The following CCDC33 variants were observed in gnomAD, a reference collection of about 807,000 sequenced individuals.
CCDC33 encodes the protein coiled-coil domain containing 33.
A neutral mutation model predicts 91.9 loss-of-function variants in CCDC33; 94 were observed. The observed-to-expected ratio is 1.02, with a 90% CI of 0.87 to 1.21. The LOEUF (loss-of-function observed/expected upper bound fraction) is 1.21, where lower values mean the gene tolerates loss of function less well. Ranked by LOEUF, CCDC33 falls within the 50% of genes most tolerant of loss-of-function variation. CCDC33 has a pLI of 0.00. For missense variants in CCDC33, 940 were observed against 935.5 expected (o/e 1.00, Z -0.06); for synonymous variants, 396 against 374.5 (o/e 1.06, Z -0.66).
chr15:74,257,120 G>C (rs757268126), intron 2 of CCDC33, among the ~76,000 whole-genome samples: 8 of 152,218 alleles, frequency 5.3e-5, no homozygotes. Context: ...CAGTTATTCT[G>C]TAAACTGAGG....
At position 74,335,970 on chromosome 15, in the gene CCDC33, G is replaced by T. The variant is rs553391963; in HGVS notation, c.2185G>T (p.Glu729Ter). ...SMDLKQPSEL[E>*]PLLPSSDSKL... ...GGACCTCAAGCAGCCCTCAGAGCTG[G>T]AGCCCCTGCTGCCCAGCTCAGACTC... Residue 729 changes from glutamate to a stop codon, truncating the protein, a stop_gained, in exon 19 of 19, where the codon GAG becomes TAG. Coordinates refer to ENST00000398814, the MANE Select transcript of CCDC33 (RefSeq NM_025055.5). LOFTEE classifies it low-confidence loss of function (END_TRUNC). 2 of 1,613,752 alleles carry T rather than the reference G, an allele frequency of 1.2e-6. No individual in the cohort carries two copies. Among genetic ancestry groups the T allele is most frequent in the African/African-American group, 2.7e-5 (2 of 74,884 alleles).
chr15:74,225,952 C>T (rs549118689), intron 2 of CCDC33, among the ~76,000 whole-genome samples: 6 of 152,114 alleles, frequency 3.9e-5, no homozygotes, highest in Non-Finnish European at 7.4e-5. Flanking sequence ...TACCAGGCCC[C>T]GTCCCAGGGA....
At chr15:74,245,571 G>A (rs1253331430) in intron 2 of CCDC33, among the ~76,000 whole-genome samples, 2 of 152,204 alleles carry the variant, frequency 1.3e-5, no homozygotes, top group Non-Finnish European at 2.9e-5. Context: ...CCTGGGCGGC[G>A]GGGCGGGGAG....
intron 11 of CCDC33, among the ~76,000 whole-genome samples, chr15:74,327,355 C>A (rs542474173): frequency 1.3e-5 from 2 of 152,290 alleles, no homozygotes; most frequent in African/African-American, 4.8e-5. Flanking sequence ...GAGCTCTGGG[C>A]CAGGTGCGGT....
At chr15:74,279,527 T>C (rs141119841) in intron 7 of CCDC33, among the ~76,000 whole-genome samples, 1 of 152,162 alleles carries the variant, frequency 6.6e-6, no homozygotes, top group South Asian at 2.1e-4. Context: ...TTTGTTTATT[T>C]ATTTATTTAT....
chr15:74,223,774 GCACACACACA>G (rs34461827), intron 2 of CCDC33, among the ~76,000 whole-genome samples: 58 of 145,616 alleles, frequency 4.0e-4, no homozygotes, highest in African/African-American at 1.3e-3. Context: ...ACGCAAGCAT[GCACACACACA>G]CACACACACA....
intron 1 of CCDC33, among the ~76,000 whole-genome samples, chr15:74,238,314 A>G (rs1345640852): frequency 6.6e-6 from 1 of 151,854 alleles, no homozygotes; most frequent in East Asian, 1.9e-4. Flanking sequence ...AGGCTGAGAC[A>G]GGAGAATTGC....
rs776863953 is a variant in CCDC33 at position 74,295,927 on chromosome 15, G to A, written c.1269G>A (p.Val423=). The A allele has an allele frequency of 1.2e-6, 2 of 1,613,080 alleles. No homozygotes were observed. The highest frequency in any genetic ancestry group is 1.7e-6 in the Non-Finnish European group (2 of 1,179,596). ...GAGAAGCAGAGGAGGAACCTCTGGTGCCTGAGATGTCCCATGACACAGTGA... is the reference window on the plus strand; with the variant it reads ...GAGAAGCAGAGGAGGAACCTCTGGTACCTGAGATGTCCCATGACACAGTGA... ...TPREAEEEPL[V]PEMSHDTEMN... Residue 423 remains valine, a synonymous_variant, in exon 11 of 19, where the codon GTG becomes GTA. Coordinates refer to ENST00000398814, the MANE Select transcript of CCDC33 (RefSeq NM_025055.5).
chr15:74,335,740 C>A (rs2060552740), intron 18 of CCDC33, 185 bp from the exon 19 acceptor site: 1 of 590,384 alleles, frequency 1.7e-6, no homozygotes. Flanking sequence ...CTCACCTGAG[C>A]CCTGGGGACC....
chr15:74,217,448 T>C (rs975560212), exon 1 of CCDC33: 2 of 1,289,652 alleles, frequency 1.6e-6, no homozygotes, highest in Admixed American at 2.3e-5. Flanking sequence ...GCTCTGGGGC[T>C]GGGGTGCAGT....
intron 7 of CCDC33, among the ~76,000 whole-genome samples, chr15:74,278,253 C>G (rs1211948348): frequency 6.6e-6 from 1 of 152,226 alleles, no homozygotes; most frequent in African/African-American, 2.4e-5. Context: ...TTAGTGTGAC[C>G]GTCATCAGCA....
intron 2 of CCDC33, among the ~76,000 whole-genome samples, chr15:74,260,230 G>A (rs906871762): frequency 4.6e-5 from 7 of 152,146 alleles, no homozygotes; most frequent in South Asian, 2.1e-4. Context: ...AAAGGGACCC[G>A]AGGGTGGAGG....
At chr15:74,276,658 A>G (rs1371868280) in intron 7 of CCDC33, among the ~76,000 whole-genome samples, 1 of 152,186 alleles carries the variant, frequency 6.6e-6, no homozygotes, top group African/African-American at 2.4e-5. Flanking sequence ...ACTCTCAGCC[A>G]GGTCCACAGG....
chr15:74,229,608 CTAT>C (rs1180019608), intron 2 of CCDC33, among the ~76,000 whole-genome samples: 4 of 152,230 alleles, frequency 2.6e-5, no homozygotes, highest in East Asian at 3.8e-4. Context: ...TCACTGTTAG[CTAT>C]TATTATGAGG....
At position 74,333,900 on chromosome 15, in the gene CCDC33, C is replaced by G; in HGVS notation, c.1958C>G (p.Ser653Ter). ...QALPDLLSGT[S>*]DKFNLLAKLE... ...CCACAGGATCTCCTCTCTGGTACTT[C>G]AGACAAGTTCAACCTCCTGGCCAAG... Residue 653 changes from serine (S) to a stop codon, truncating the protein, a stop_gained, in exon 17 of 19, where the codon TCA (serine) becomes TGA (stop). Coordinates refer to ENST00000398814, the MANE Select transcript of CCDC33 (RefSeq NM_025055.5). LOFTEE classifies it high-confidence loss of function. The G allele has an allele frequency of 6.2e-7, 1 of 1,613,568 alleles. No individual in the cohort carries two copies. The highest frequency in any genetic ancestry group is 8.5e-7 in the Non-Finnish European group (1 of 1,179,630).
intron 13 of CCDC33, 38 bp downstream of exon 13, chr15:74,330,789 A>G: frequency 6.5e-7 from 1 of 1,537,810 alleles, no homozygotes; most frequent in Non-Finnish European, 9.0e-7. Context: ...GGAGGGAGCT[A>G]TGGTGGGGGA....
Position 74,280,778 on chromosome 15 carries a change from C to A in CCDC33, c.1000C>A (p.His334Asn). The change falls in exon 9 of 19, where the codon CAC (histidine) becomes AAC (asparagine). Residue 334 changes from histidine to asparagine, a missense_variant. Coordinates refer to ENST00000398814, the MANE Select transcript of CCDC33 (RefSeq NM_025055.5). ...MLTGKGLDGL[H>N]VERLPIMDTS... ...GACAGGGAAAGGCTTGGACGGGCTT[C>A]ACGTGGAGCGGCTCCCCATCATGGT... is the stretch of plus-strand genomic sequence containing the variant. The A allele has an allele frequency of 6.4e-7, 1 of 1,555,466 alleles. No individual in the cohort carries two copies. Among genetic ancestry groups the A allele is most frequent in the Non-Finnish European group, 8.7e-7 (1 of 1,150,394 alleles).
chr15:74,286,464 C>T (rs2059476711), intron 10 of CCDC33, among the ~76,000 whole-genome samples: 1 of 152,110 alleles, frequency 6.6e-6, no homozygotes, highest in African/African-American at 2.4e-5. Context: ...TCCTGGGTGC[C>T]CTCCAGCTTG....
At chr15:74,252,652 A>G (rs1360130521) in intron 2 of CCDC33, among the ~76,000 whole-genome samples, 1 of 152,152 alleles carries the variant, frequency 6.6e-6, no homozygotes, top group African/African-American at 2.4e-5. Context: ...GATGAAGATG[A>G]CTATTCCCAT....
Sources: gnomAD v4.1 joint callset for allele counts (sites outside exome capture counted in the v4.1 genomes callset) on GRCh38, gnomAD v4.1.1 for gene constraint, MANE v1.5 for transcripts, NCBI Gene and HGNC (gene_info 2026-07-23, HGNC 2026-07-21) for gene names.